The following DLGAP2 variants were observed in gnomAD, a reference collection of about 807,000 sequenced individuals.
The protein encoded by DLGAP2 is DLG associated protein 2.
In DLGAP2, 26 loss-of-function variants were observed where a neutral mutation model predicts 100.3. That is an observed-to-expected ratio of 0.26 (90% CI 0.19 to 0.36). The LOEUF is 0.36. Ranked by LOEUF, DLGAP2 falls within the 10% of genes least tolerant of loss-of-function variation. The pLI is 1.00. For missense variants in DLGAP2, 1,858 were observed against 1,453.2 expected (o/e 1.28, Z -4.53); for synonymous variants, 886 against 630.1 (o/e 1.41, Z -6.08).
rs200431414 is a variant in DLGAP2 at position 1,676,533 on chromosome 8, G to A, written c.2203G>A (p.Val735Met). Residue 735 changes from valine to methionine, a missense_variant and splice_region_variant, in exon 11 of 15, where the codon GTG (valine) becomes ATG (methionine). Physicochemically the swap from Val to Met is conservative, Grantham distance 21. Coordinates refer to ENST00000637795, the MANE Select transcript of DLGAP2 (RefSeq NM_001346810.2). The part of the protein sequence containing the change: ...PEHQPYPRSD[V>M]ETATDSDTES... ...AATAAGACGTTCTCTGTTGAATTAG[G>A]TGGAAACGGCCACAGATTCTGACAC... The A allele has an allele frequency of 5.0e-6, 8 of 1,612,800 alleles. No homozygotes were observed. In the South Asian group the frequency reaches 7.7e-5, roughly 16 times the overall value.
intron 5 of DLGAP2, among the ~76,000 whole-genome samples, chr8:1,551,020 C>A (rs1053597729): frequency 1.3e-5 from 2 of 152,236 alleles, no homozygotes; most frequent in African/African-American, 2.4e-5. Context: ...GTGATTCTTT[C>A]TGGGAGTCGT....
chr8:1,148,110 G>T (rs1343114077), intron 2 of DLGAP2, among the ~76,000 whole-genome samples: 1 of 152,134 alleles, frequency 6.6e-6, no homozygotes, highest in African/African-American at 2.4e-5. Flanking sequence ...TCTCTTATGT[G>T]AAGGTATAAT....
intron 2 of DLGAP2, among the ~76,000 whole-genome samples, chr8:1,233,085 A>T (rs1165176189): frequency 6.6e-6 from 1 of 152,156 alleles, no homozygotes; most frequent in Non-Finnish European, 1.5e-5. Context: ...TTCAAGTTTC[A>T]TCCATGTGGT....
chr8:1,420,482 C>G (rs1797060250), intron 3 of DLGAP2, among the ~76,000 whole-genome samples: 1 of 152,176 alleles, frequency 6.6e-6, no homozygotes, highest in Non-Finnish European at 1.5e-5. Context: ...TCCAATTCAT[C>G]CTATAGCAAA....
chr8:983,005 C>T (rs1800382471), intron 2 of DLGAP2, among the ~76,000 whole-genome samples: 1 of 151,450 alleles, frequency 6.6e-6, no homozygotes, highest in Non-Finnish European at 1.5e-5. Flanking sequence ...CTATATAGAG[C>T]CTCCCTTTAG....
chr8:881,490 ATC>A (rs200575861), intron 1 of DLGAP2, among the ~76,000 whole-genome samples: 1 of 93,392 alleles, frequency 1.1e-5, no homozygotes, highest in Non-Finnish European at 2.2e-5. Flanking sequence ...TTACCATTTC[ATC>A]TCTCTTTTTT....
chr8:930,303 C>T lies in DLGAP2; in HGVS notation c.73+22337C>T, dbSNP rs751313684. ...TCAGTGCACGATCCACCTGCTCTGC[C>T]GGCCACCAGCGTTTAAAGACAAATG... is the stretch of plus-strand genomic sequence containing the variant. On this transcript the variant is annotated intron_variant, in intron 2 of 14. Transcript: ENST00000637795. 9.9e-5 allele frequency among the ~76,000 whole-genome samples: 15 copies of T among 152,174 alleles called. 1 individual carries two copies. The highest frequency in any genetic ancestry group is 4.1e-4 in the South Asian group (2 of 4,830).
chr8:774,530 G>A (rs1262011916), intron 1 of DLGAP2, among the ~76,000 whole-genome samples: 1 of 150,050 alleles, frequency 6.7e-6, no homozygotes, highest in Non-Finnish European at 1.5e-5. Context: ...TTTGTATAAG[G>A]TGTAAGGAAG....
chr8:1,473,078 C>A (rs1201412167), intron 3 of DLGAP2, among the ~76,000 whole-genome samples: 3 of 152,146 alleles, frequency 2.0e-5, no homozygotes, highest in African/African-American at 7.2e-5. Context: ...TTACAGGCAC[C>A]TGCCACCACA....
chr8:1,627,842 G>A (rs1168681111), intron 7 of DLGAP2, among the ~76,000 whole-genome samples: 2 of 151,696 alleles, frequency 1.3e-5, no homozygotes, highest in Non-Finnish European at 2.9e-5. Flanking sequence ...GGGATTAAGA[G>A]CCTGAGCCGA....
At chr8:1,411,440 G>T (rs1006697583) in intron 3 of DLGAP2, among the ~76,000 whole-genome samples, 1 of 152,194 alleles carries the variant, frequency 6.6e-6, no homozygotes, top group African/African-American at 2.4e-5. Context: ...GTCCTAGCTG[G>T]CCTTTGGCCC....
At chr8:1,141,333 A>C (rs1025094414) in intron 2 of DLGAP2, among the ~76,000 whole-genome samples, 5 of 152,226 alleles carry the variant, frequency 3.3e-5, no homozygotes, top group Non-Finnish European at 7.3e-5. Context: ...ACAAAATTGA[A>C]TTTGGGCTAA....
chr8:1,177,702 C>T (rs1797290076), intron 2 of DLGAP2, among the ~76,000 whole-genome samples: 1 of 152,152 alleles, frequency 6.6e-6, no homozygotes, highest in African/African-American at 2.4e-5. Flanking sequence ...GTTCTAGAGG[C>T]TGGAAGTCTG....
intron 1 of DLGAP2, among the ~76,000 whole-genome samples, chr8:884,053 G>C (rs548651906): frequency 6.6e-6 from 1 of 152,178 alleles, no homozygotes; most frequent in Non-Finnish European, 1.5e-5. Flanking sequence ...ATGGGCATTT[G>C]TGTTGGTTCC....
intron 1 of DLGAP2, among the ~76,000 whole-genome samples, chr8:906,202 C>T (rs1355312627): frequency 6.6e-6 from 1 of 152,236 alleles, no homozygotes; most frequent in African/African-American, 2.4e-5. Context: ...GTGGTGTCTG[C>T]AGCTGACTAG....
At chr8:1,070,354 A>G (rs1803389680) in intron 2 of DLGAP2, among the ~76,000 whole-genome samples, 1 of 152,184 alleles carries the variant, frequency 6.6e-6, no homozygotes, top group Non-Finnish European at 1.5e-5. Flanking sequence ...AGCGGCTGAC[A>G]TGGGCTCGTC....
chr8:1,316,540 A>G (rs1190598656), intron 3 of DLGAP2, among the ~76,000 whole-genome samples: 1 of 134,414 alleles, frequency 7.4e-6, no homozygotes, highest in Admixed American at 7.5e-5. Context: ...CAGCGTTTAA[A>G]AATAGAGGCT....
chr8:1,650,811 A>T (rs1356561490), intron 8 of DLGAP2, among the ~76,000 whole-genome samples: 1 of 145,596 alleles, frequency 6.9e-6, no homozygotes, highest in Non-Finnish European at 1.5e-5. Context: ...GTAGACACAG[A>T]AGCTTGGGTG....
intron 6 of DLGAP2, among the ~76,000 whole-genome samples, chr8:1,586,494 C>T (rs960484880): frequency 6.6e-6 from 1 of 152,220 alleles, no homozygotes; most frequent in Non-Finnish European, 1.5e-5. Flanking sequence ...TGCTCCTGCG[C>T]TGAGAGGGGG....
Sources: gnomAD v4.1 joint callset for allele counts (sites outside exome capture counted in the v4.1 genomes callset) on GRCh38, gnomAD v4.1.1 for gene constraint, MANE v1.5 for transcripts, NCBI Gene and HGNC (gene_info 2026-07-23, HGNC 2026-07-21) for gene names.